The following SERPINA10 variants were observed in gnomAD, a reference collection of about 807,000 sequenced individuals.
The protein encoded by SERPINA10 is serpin family A member 10, also known as protein Z-dependent protease inhibitor.
SERPINA10 carries 24 observed loss-of-function variants against 28.0 expected under a neutral mutation model. The ratio of observed to expected loss-of-function variants is 0.86; its 90% confidence interval spans 0.62 to 1.20. The LOEUF (loss-of-function observed/expected upper bound fraction) is 1.20. Ranked by LOEUF, SERPINA10 falls within the 50% of genes most tolerant of loss-of-function variation. The pLI is 0.00. For synonymous variants in SERPINA10, 207 were observed against 203.9 expected, an observed-to-expected ratio of 1.02 and a Z score of -0.13; for missense variants, 521 against 537.7, an observed-to-expected ratio of 0.97 and a Z score of 0.31.
Position 94,286,240 on chromosome 14 carries a change from A to G in SERPINA10, c.1011T>C (p.Phe337=), listed in dbSNP as rs1895021506. The G allele has an allele frequency of 6.2e-7, 1 of 1,613,908 alleles. No homozygotes were observed. Among genetic ancestry groups the G allele is most frequent in the African/African-American group, 1.3e-5 (1 of 74,918 alleles). ...ACTTCTGATCTAGCTTGAACTTCGG[A>G]AAGAAAACTTCCATGTTTCTGTGGT... ...NMKTRNMEVF[F]PKFKLDQKYE... The change falls in exon 4 of 5, where the codon TTT becomes TTC. Residue 337 remains phenylalanine, a synonymous_variant. Coordinates refer to ENST00000261994, the MANE Select transcript of SERPINA10 (RefSeq NM_001100607.3).
Position 94,290,539 on chromosome 14 carries a change from C to T in SERPINA10, c.55G>A (p.Val19Ile). 1 of 1,613,488 alleles carries T rather than the reference C, an allele frequency of 6.2e-7. No individual in the cohort carries two copies. The highest frequency in any genetic ancestry group is 8.5e-7 in the Non-Finnish European group (1 of 1,179,820). The stretch of plus-strand genomic sequence containing the variant: ...TGAGGACTGGGGGCCAAGCCGGGTA[C>T]CAGCCACACCTGTGCCAGGAGGACG... ...LSVLLAQVWL[V>I]PGLAPSPQSP... The change falls in exon 2 of 5, where the codon GTA becomes ATA. Residue 19 changes from valine (V) to isoleucine (I), a missense_variant. Val to Ile is a conservative substitution (Grantham distance 29, BLOSUM62 3). Transcript: ENST00000261994.
At chr14:94,292,758 C>T in intron 1 of SERPINA10, 1 of 695,206 alleles carries the variant, frequency 1.4e-6, no homozygotes. Flanking sequence ...AGGGGGTGCT[C>T]CTGGACTAGG....
Position 94,290,222 on chromosome 14 carries a change from G to A in SERPINA10, c.372C>T (p.Ile124=). Residue 124 remains isoleucine (I), a synonymous_variant, in exon 2 of 5, where the codon ATC becomes ATT. Coordinates refer to ENST00000261994, the MANE Select transcript of SERPINA10 (RefSeq NM_001100607.3). ...GGGCCTGCAAGTGGAGCCCTCTCTT[G>A]ATCTGGGTTTCAGTCGGCCCTGTGG... is the stretch of plus-strand genomic sequence containing the variant. ...LGATGPTETQ[I]KRGLHLQALK... The A allele has an allele frequency of 1.2e-6, 2 of 1,613,900 alleles. No individual in the cohort carries two copies. Among genetic ancestry groups the A allele is most frequent in the Non-Finnish European group, 1.7e-6 (2 of 1,179,758 alleles).
rs567494042 is a variant in SERPINA10 at position 94,280,904 on chromosome 14, C to A, written c.*3061G>T. ...CTCTTACACATTTAAAAAATCATTT[C>A]TATTATTTGACTTCCTGAGCTTGAA... On this transcript the variant is annotated 3_prime_UTR_variant, in exon 5 of 5. Coordinates refer to ENST00000261994, the MANE Select transcript of SERPINA10 (RefSeq NM_001100607.3). 6.6e-6 allele frequency: 1 copy of A among 152,160 alleles called. No homozygotes were observed. Among genetic ancestry groups the A allele is most frequent in the Non-Finnish European group, 1.5e-5 (1 of 68,026 alleles). 9.4% of individuals were successfully genotyped at this position (152,160 alleles called of 1,614,324 possible).
Position 94,290,391 on chromosome 14 carries a change from A to C in SERPINA10, c.203T>G (p.Leu68Arg). The C allele has an allele frequency of 1.2e-6, 2 of 1,614,164 alleles. No homozygotes were observed. ...GGCAAGCTGCTGCCTGCTGGCCATCAGCCAGGCTTTCTCTTCCTCACTGGC... is the reference window on the plus strand; with the variant it reads ...GGCAAGCTGCTGCCTGCTGGCCATCCGCCAGGCTTTCTCTTCCTCACTGGC... ...EKASEEEKAWLMASRQQLAKE... is the reference protein window; with the variant it reads ...EKASEEEKAWRMASRQQLAKE... The change falls in exon 2 of 5, where the codon CTG becomes CGG. Residue 68 changes from leucine (L) to arginine (R), a missense_variant. Physicochemically the swap from Leu to Arg is moderately radical, Grantham distance 102. Transcript: ENST00000261994.
At position 94,291,890 on chromosome 14, in the gene SERPINA10, G is replaced by A. The variant is rs56369813; in HGVS notation, c.-50-1247C>T. On this transcript the variant is annotated intron_variant, in intron 1 of 4. Coordinates refer to ENST00000261994, the MANE Select transcript of SERPINA10 (RefSeq NM_001100607.3). ...CCTTGCTCGGGCTGAATGGCACCCC[G>A]GAATTCAGGGCCTCACTCTGCAGTC... Among the ~76,000 whole-genome samples the A allele has an allele frequency of 4.5e-3, 686 of 152,290 alleles. 5 individuals carry two copies. Among genetic ancestry groups the A allele is most frequent in the African/African-American group, 0.015 (630 of 41,568 alleles).
Position 94,286,117 on chromosome 14 carries a change from T to G in SERPINA10, c.1134A>C (p.Gln378His). The G allele has an allele frequency of 6.2e-7, 1 of 1,614,180 alleles. No individual in the cohort carries two copies. Residue 378 changes from glutamine (Q) to histidine (H), a missense_variant, in exon 4 of 5, where the codon CAA (glutamine) becomes CAC (histidine). Coordinates refer to ENST00000261994, the MANE Select transcript of SERPINA10 (RefSeq NM_001100607.3). The stretch of plus-strand genomic sequence containing the variant: ...AAAGATCCTGACTTACCCTGGATAC[T>G]TGGAGATTTCTTCCAGTAGCTGAGA... Reference protein sequence around the residue: ...SELSATGRNLQVSRVLQRTVI... With the variant: ...SELSATGRNLHVSRVLQRTVI...
chr14:94,288,924 A>G (rs1895092379), intron 2 of SERPINA10, among the ~76,000 whole-genome samples: 1 of 152,212 alleles, frequency 6.6e-6, no homozygotes, highest in Non-Finnish European at 1.5e-5. Flanking sequence ...GCTTAGAGAA[A>G]AGCCTTTGCC....
intron 1 of SERPINA10, among the ~76,000 whole-genome samples, chr14:94,291,724 G>C (rs993691953): frequency 6.6e-6 from 1 of 152,210 alleles, no homozygotes; most frequent in Admixed American, 6.5e-5. Context: ...CATCAGCAGA[G>C]ACCCTTATTC....
At chr14:94,286,382 G>T in intron 3 of SERPINA10, 124 bp from the exon 4 acceptor site, 1 of 1,043,002 alleles carries the variant, frequency 9.6e-7, no homozygotes, top group Non-Finnish European at 1.5e-6. Context: ...TGACTATGTA[G>T]TTCATGCCAT....
intron 4 of SERPINA10, 110 bp downstream of exon 4, chr14:94,285,998 A>C: frequency 7.3e-7 from 1 of 1,362,282 alleles, no homozygotes; most frequent in Non-Finnish European, 1.0e-6. Flanking sequence ...ACTTAAATCT[A>C]ATTTTCCACT....
rs1894925567 is a variant in SERPINA10, at chr14:94,282,499, T to TA, written c.*1465dup. 1 of 152,206 alleles carries TA rather than the reference T, an allele frequency of 6.6e-6. No individual in the cohort carries two copies. The highest frequency in any genetic ancestry group is 1.5e-5 in the Non-Finnish European group (1 of 68,044). The allele number at this position is 152,206 out of a possible 1,614,324, so 9.4% of individuals were successfully genotyped here. A position where few individuals can be genotyped will look rare whatever the true frequency, so the allele number is the denominator to read the frequency against. ...ATGGGTAGCTGTAGTGCATGCTGTT[T>TA]ACCTGGTCCCCATCAGATGTTTTAG... On this transcript the variant is annotated 3_prime_UTR_variant, in exon 5 of 5. Coordinates refer to ENST00000261994, the MANE Select transcript of SERPINA10 (RefSeq NM_001100607.3).
At chr14:94,284,667 C>G (rs1388148976) in intron 4 of SERPINA10, among the ~76,000 whole-genome samples, 1 of 152,146 alleles carries the variant, frequency 6.6e-6, no homozygotes, top group Non-Finnish European at 1.5e-5. Context: ...GTCCCTGGAG[C>G]CTTCCTGAAT....
intron 4 of SERPINA10, among the ~76,000 whole-genome samples, chr14:94,285,516 T>C (rs771404651): frequency 6.5e-4 from 98 of 151,376 alleles, no homozygotes; most frequent in South Asian, 1.5e-3. Context: ...TATATATATA[T>C]ACACACACAC....
intron 1 of SERPINA10, chr14:94,292,856 G>A (rs1387095170): frequency 3.4e-6 from 2 of 587,534 alleles, no homozygotes; most frequent in African/African-American, 3.7e-5. Flanking sequence ...TCTCAGCCCT[G>A]GGACAGCACA....
Position 94,290,411 on chromosome 14 carries a change from ACTGGCCTTCTCCTCG to A in SERPINA10, c.168_182del (p.Lys59_Glu63del). ...CCATCAGCCAGGCTTTCTCTTCCTC[ACTGGCCTTCTCCTCG>A]CTGGCCTCCTGCTCATCTTCCTCTT... is the stretch of plus-strand genomic sequence containing the variant. On this transcript the variant is annotated inframe_deletion, in exon 2 of 5. Coordinates refer to ENST00000261994, the MANE Select transcript of SERPINA10 (RefSeq NM_001100607.3). The A allele has an allele frequency of 6.2e-7, 1 of 1,613,946 alleles. No individual in the cohort carries two copies. Among genetic ancestry groups the A allele is most frequent in the Non-Finnish European group, 8.5e-7 (1 of 1,179,914 alleles).
rs931676311 is a variant in SERPINA10, at chr14:94,290,186, G to C, written c.408C>G (p.Thr136=). Residue 136 remains threonine, a synonymous_variant, in exon 2 of 5, where the codon ACC becomes ACG. Coordinates refer to ENST00000261994, the MANE Select transcript of SERPINA10 (RefSeq NM_001100607.3). The part of the protein sequence containing the change: ...RGLHLQALKP[T]KPGLLPSLFK... ...AGAGGGAAGGCAGGAGCCCGGGCTTGGTGGGCTTCAGGGCCTGCAAGTGGA... is the reference window on the plus strand; with the variant it reads ...AGAGGGAAGGCAGGAGCCCGGGCTTCGTGGGCTTCAGGGCCTGCAAGTGGA... 1 of 1,613,658 alleles carries C rather than the reference G, an allele frequency of 6.2e-7. No individual in the cohort carries two copies. The highest frequency in any genetic ancestry group is 1.7e-5 in the Admixed American group (1 of 59,970).
At chr14:94,284,878 G>A (rs1566717025) in intron 4 of SERPINA10, among the ~76,000 whole-genome samples, 1 of 152,172 alleles carries the variant, frequency 6.6e-6, no homozygotes, top group Non-Finnish European at 1.5e-5. Context: ...CAAACAGAGG[G>A]AGAATATTTA....
Position 94,289,874 on chromosome 14 carries a change from A to G in SERPINA10, c.718+2T>C, listed in dbSNP as rs1895116498. The stretch of plus-strand genomic sequence containing the variant: ...TGGGAGAGCAGAACATTATCAAAGT[A>G]CCTTTGAACAAGATGTAATCCACAA... On this transcript the variant is annotated splice_donor_variant, in intron 2 of 4. Transcript: ENST00000261994. LOFTEE classifies it high-confidence loss of function. The G allele has an allele frequency of 6.2e-7, 1 of 1,613,722 alleles. No individual in the cohort carries two copies. The highest frequency in any genetic ancestry group is 1.1e-5 in the South Asian group (1 of 91,064).
Sources: gnomAD v4.1 joint callset for allele counts (sites outside exome capture counted in the v4.1 genomes callset) on GRCh38, gnomAD v4.1.1 for gene constraint, MANE v1.5 for transcripts, NCBI Gene and HGNC (gene_info 2026-07-23, HGNC 2026-07-21) for gene names.